Variants in LMO7 observed in about 807,000 individuals in gnomAD.
LMO7 encodes the protein LIM domain only protein 7.
LMO7 carries 120 observed loss-of-function variants against 206.5 expected under a neutral mutation model. That is an observed-to-expected ratio of 0.58 (90% CI 0.50 to 0.68). The LOEUF is 0.68. LMO7 is among the 30% of genes least tolerant of loss of function. The pLI, the probability that LMO7 is intolerant of heterozygous loss-of-function variation, is 0.00. For synonymous variants in LMO7, 706 were observed against 681.5 expected (o/e 1.04, Z -0.56); for missense variants, 1,959 against 1,957.9 (o/e 1.00, Z -0.01).
At chr13:75,709,540 G>C (rs2042917603) in intron 1 of LMO7, among the ~76,000 whole-genome samples, 1 of 152,148 alleles carries the variant, frequency 6.6e-6, no homozygotes, top group East Asian at 1.9e-4. Context: ...GCATTTCTCT[G>C]ATGGCCAGTG....
chr13:75,735,535 C>T (rs143235697), intron 3 of LMO7, among the ~76,000 whole-genome samples: 1 of 152,130 alleles, frequency 6.6e-6, no homozygotes, highest in Non-Finnish European at 1.5e-5. Flanking sequence ...GATCTTGGCT[C>T]CCTGCAAACT....
intron 1 of LMO7, among the ~76,000 whole-genome samples, chr13:75,698,377 C>G (rs1167353757): frequency 6.6e-6 from 1 of 152,102 alleles, no homozygotes; most frequent in East Asian, 1.9e-4. Flanking sequence ...TCATAGCTTA[C>G]TGCAGTCTTG....
chr13:75,777,543 T>C (rs957230913), intron 4 of LMO7, among the ~76,000 whole-genome samples: 2 of 152,210 alleles, frequency 1.3e-5, no homozygotes, highest in African/African-American at 4.8e-5. Context: ...GTATTATAAT[T>C]CTCTGTAGGA....
chr13:75,718,785 C>A (rs542997120), intron 2 of LMO7, among the ~76,000 whole-genome samples: 2 of 152,290 alleles, frequency 1.3e-5, no homozygotes, highest in East Asian at 1.9e-4. Context: ...ATCCTCTGTG[C>A]TCCTCCTATT....
chr13:75,814,162 A>G (rs1314954854), intron 11 of LMO7, among the ~76,000 whole-genome samples: 1 of 152,218 alleles, frequency 6.6e-6, no homozygotes, highest in African/African-American at 2.4e-5. Flanking sequence ...TCCTTAATAA[A>G]TCCTATAAAA....
intron 3 of LMO7, among the ~76,000 whole-genome samples, chr13:75,748,137 C>T (rs191956280): frequency 1.3e-5 from 2 of 152,268 alleles, no homozygotes; most frequent in East Asian, 1.9e-4. Flanking sequence ...GAACTGGATT[C>T]TCTCCTAAAA....
At chr13:75,693,162 A>T (rs1278666452) in intron 1 of LMO7, among the ~76,000 whole-genome samples, 1 of 152,204 alleles carries the variant, frequency 6.6e-6, no homozygotes, top group African/African-American at 2.4e-5. Context: ...CAGTTAATAC[A>T]ATGGCCTGGA....
chr13:75,821,137 T>C, intron 13 of LMO7, 40 bp from the exon 14 acceptor site: 5 of 1,493,804 alleles, frequency 3.3e-6, no homozygotes, highest in Non-Finnish European at 3.6e-6. Flanking sequence ...GTGTGTCAAA[T>C]GTGTGTCTTT....
At chr13:75,842,824 A>G (rs1318553) in intron 24 of LMO7, 27 bp from the exon 25 acceptor site, 115,333 of 1,439,638 alleles carry the variant, frequency 0.08, 5,516 homozygotes, top group African/African-American at 0.18. Flanking sequence ...TAATATTTTG[A>G]CAACAAAATC....
chr13:75,681,248 C>T (rs924855131), intron 1 of LMO7, among the ~76,000 whole-genome samples: 1 of 152,098 alleles, frequency 6.6e-6, no homozygotes, highest in Non-Finnish European at 1.5e-5. Context: ...TGTCTATGTC[C>T]TGAATGGTAT....
chr13:75,822,615 A>T lies in LMO7; in HGVS notation c.2641-950A>T, dbSNP rs551447803. Among the ~76,000 whole-genome samples, 14 of 151,818 alleles carry T rather than the reference A, an allele frequency of 9.2e-5. No individual in the cohort carries two copies. In the East Asian group the frequency reaches 2.7e-3, roughly 30 times the overall value. ...AAAGAAGTATGTTCAGCTTCCCTGG[A>T]GCAAGAATGAGGCATATAACTTTTT... On this transcript the variant is annotated intron_variant, in intron 14 of 30. Coordinates refer to ENST00000377534, the MANE Select transcript of LMO7 (RefSeq NM_001306080.2).
chr13:75,668,574 T>C (rs948916517), intron 1 of LMO7, among the ~76,000 whole-genome samples: 3 of 152,214 alleles, frequency 2.0e-5, no homozygotes, highest in African/African-American at 7.2e-5. Flanking sequence ...ACAAACTAGA[T>C]GCTCATTTAG....
In LMO7 at chr13:75,819,414, C is replaced by A; in HGVS notation, c.2086C>A (p.Arg696Ser). 1 of 1,604,140 alleles carries A rather than the reference C, an allele frequency of 6.2e-7. No homozygotes were observed. The highest frequency in any genetic ancestry group is 2.2e-5 in the East Asian group (1 of 44,680). The change falls in exon 13 of 31, where the codon CGT (arginine) becomes AGT (serine). Residue 696 changes from arginine to serine, a missense_variant. Arg to Ser is a moderately radical substitution (Grantham distance 110). Coordinates refer to ENST00000377534, the MANE Select transcript of LMO7 (RefSeq NM_001306080.2). ...TCAGGACCTTGCAAAATGGAAAGAT[C>A]GTCGAAAAAGTTACACTTCAGATCT... ...WQDDLAKWKDRRKSYTSDLQK... is the reference protein window; with the variant it reads ...WQDDLAKWKDSRKSYTSDLQK...
rs558432108 is a variant in LMO7 at position 75,645,338 on chromosome 13, A to G, written c.69+8612A>G. ...TTGATCTAGATGTGTGAACAGGGAA[A>G]GAAATATCTGAGTTATTTTGTTATA... On this transcript the variant is annotated intron_variant, in intron 1 of 30. Coordinates refer to ENST00000377534, the MANE Select transcript of LMO7 (RefSeq NM_001306080.2). Among the ~76,000 whole-genome samples, 12 of 152,298 alleles carry G rather than the reference A, an allele frequency of 7.9e-5. No homozygotes were observed. In the East Asian group the frequency reaches 2.3e-3, roughly 29 times the overall value.
chr13:75,783,977 T>C (rs2051981676), intron 4 of LMO7, among the ~76,000 whole-genome samples: 1 of 152,172 alleles, frequency 6.6e-6, no homozygotes, highest in Non-Finnish European at 1.5e-5. Context: ...TGGAGTTAGC[T>C]AAATTCTGAG....
chr13:75,829,734 A>G (rs1448378022), intron 15 of LMO7, among the ~76,000 whole-genome samples: 1 of 152,016 alleles, frequency 6.6e-6, no homozygotes, highest in Non-Finnish European at 1.5e-5. Flanking sequence ...TGTTGACATG[A>G]AAATCTTAAT....
In LMO7 at chr13:75,692,181, T is replaced by C. The variant is rs144254682; in HGVS notation, c.70-21001T>C. 1.2e-3 allele frequency among the ~76,000 whole-genome samples: 179 copies of C among 152,244 alleles called. 1 individual carries two copies. The highest frequency in any genetic ancestry group is 4.1e-3 in the African/African-American group (170 of 41,546). ...CTTGCTCTATTGTCCTCTTATTACA[T>C]CTACCCAGGAAAACCTAACTGTTAC... On this transcript the variant is annotated intron_variant, in intron 1 of 30. Coordinates refer to ENST00000377534, the MANE Select transcript of LMO7 (RefSeq NM_001306080.2).
chr13:75,836,913 A>G (rs1481957645), intron 19 of LMO7, among the ~76,000 whole-genome samples: 1 of 152,244 alleles, frequency 6.6e-6, no homozygotes, highest in Non-Finnish European at 1.5e-5. Flanking sequence ...ATTTGTAATG[A>G]CAAAGAAGGC....
intron 3 of LMO7, among the ~76,000 whole-genome samples, chr13:75,749,657 A>G (rs1162163942): frequency 1.3e-5 from 2 of 152,138 alleles, no homozygotes; most frequent in Admixed American, 6.5e-5. Context: ...AGCTCTGCCA[A>G]ATGGTGCTGG....
Sources: allele counts gnomAD v4.1 joint callset (sites outside exome capture counted in the v4.1 genomes callset), GRCh38; gene constraint gnomAD v4.1.1; transcripts MANE v1.5; gene names NCBI Gene and HGNC (gene_info 2026-07-23, HGNC 2026-07-21).